ABCC4: variants seen among roughly 807,000 people sequenced by gnomAD.
The protein encoded by ABCC4 is ATP-binding cassette sub-family C member 4.
In ABCC4, 102 loss-of-function variants were observed where a neutral mutation model predicts 168.5. That is an observed-to-expected ratio of 0.61 (90% CI 0.52 to 0.71). ABCC4 has a LOEUF of 0.71. Among genes scored for constraint, ABCC4 ranks in the 30% least tolerant of loss-of-function variants. The pLI, the probability that ABCC4 is intolerant of heterozygous loss-of-function variation, is 0.00. For missense variants in ABCC4, 1,402 were observed against 1,605.8 expected (o/e 0.87, Z 2.17); for synonymous variants, 617 against 590.7 (o/e 1.04, Z -0.65).
rs2037207417 is a variant in ABCC4, at chr13:95,164,468, T to G, written c.2085A>C (p.Lys695Asn). The G allele has an allele frequency of 1.9e-6, 3 of 1,613,986 alleles. No individual in the cohort carries two copies. The African/African-American group carries it at 4.0e-5, about 22-fold the overall frequency. ...TLSEENRSEG[K>N]VGFQAYKNYF... ...AATTCTTATAGGCCTGAAAACCAAC[T>G]TTTCCTTCAGAACGGTTCTCCTCTG... The change falls in exon 16 of 31, where the codon AAA (lysine) becomes AAC (asparagine). Residue 695 changes from lysine to asparagine, a missense_variant. This residue lies in a region of ABCC4 where 1,007 missense variants were observed against 1,127.3 expected (regional missense o/e 0.89). Coordinates refer to ENST00000645237, the MANE Select transcript of ABCC4 (RefSeq NM_005845.5).
chr13:95,076,865 T>C (rs1317116107), intron 21 of ABCC4, among the ~76,000 whole-genome samples: 1 of 152,102 alleles, frequency 6.6e-6, no homozygotes, highest in African/African-American at 2.4e-5. Context: ...GCTCAAGGGA[T>C]CCTCCCACCT....
Position 95,186,856 on chromosome 13 carries a change from G to T in ABCC4, c.1390C>A (p.Pro464Thr). The change falls in exon 11 of 31, where the codon CCA (proline) becomes ACA (threonine). Residue 464 changes from proline to threonine, a missense_variant. Transcript: ENST00000645237. ...TGCACGCTGACCAGCCCGTGACTTG[G>T]GGCCAATTCCCCGAGCACGGCACTT... ...LLSAVLGELA[P>T]SHGLVSVHGR... 6.2e-7 allele frequency: 1 copy of T among 1,613,372 alleles called. No homozygotes were observed. Among genetic ancestry groups the T allele is most frequent in the Non-Finnish European group, 8.5e-7 (1 of 1,179,788 alleles).
At chr13:95,127,625 G>A (rs1318392625) in intron 19 of ABCC4, among the ~76,000 whole-genome samples, 1 of 152,002 alleles carries the variant, frequency 6.6e-6, no homozygotes, top group Admixed American at 6.6e-5. Flanking sequence ...CTGCTACCCT[G>A]CCCATCTGCT....
chr13:95,072,317 T>C (rs1189463), intron 24 of ABCC4, among the ~76,000 whole-genome samples: 134,447 of 152,100 alleles, frequency 0.88, 60,086 homozygotes, highest in Non-Finnish European at 0.95. Flanking sequence ...AAAAATTAGC[T>C]GGGCGTGGTG....
chr13:95,166,818 T>C (rs1594217758), intron 14 of ABCC4, among the ~76,000 whole-genome samples: 1 of 152,304 alleles, frequency 6.6e-6, no homozygotes, highest in East Asian at 1.9e-4. Context: ...CCATGGGCCC[T>C]GCTGGAAAAA....
intron 22 of ABCC4, 96 bp from the exon 23 acceptor site, chr13:95,074,420 A>G: frequency 1.1e-6 from 1 of 934,530 alleles, no homozygotes; most frequent in Non-Finnish European, 1.6e-6. Flanking sequence ...TACGTGGAGT[A>G]GGGCACCAAA....
At chr13:95,068,368 G>A (rs2033617150) in intron 25 of ABCC4, among the ~76,000 whole-genome samples, 1 of 152,206 alleles carries the variant, frequency 6.6e-6, no homozygotes, top group Non-Finnish European at 1.5e-5. Flanking sequence ...GCTCATGCCT[G>A]TAATCCCAGC....
chr13:95,202,157 G>A (rs1379329527), intron 8 of ABCC4, among the ~76,000 whole-genome samples: 1 of 152,118 alleles, frequency 6.6e-6, no homozygotes, highest in Non-Finnish European at 1.5e-5. Context: ...TCAGTTGAAG[G>A]CATTTAAGAG....
chr13:95,200,197 T>C (rs2038584161), intron 8 of ABCC4, among the ~76,000 whole-genome samples: 1 of 152,218 alleles, frequency 6.6e-6, no homozygotes, highest in African/African-American at 2.4e-5. Context: ...TCAATTACAT[T>C]GTAGAGTCAA....
intron 27 of ABCC4, among the ~76,000 whole-genome samples, chr13:95,046,132 T>C (rs1250525557): frequency 6.6e-6 from 1 of 152,200 alleles, no homozygotes; most frequent in Non-Finnish European, 1.5e-5. Context: ...TTATGAAACA[T>C]ACTCACAGAC....
chr13:95,096,901 C>T (rs980856938), intron 20 of ABCC4, among the ~76,000 whole-genome samples: 1 of 152,078 alleles, frequency 6.6e-6, no homozygotes, highest in African/African-American at 2.4e-5. Flanking sequence ...AAATATAAAA[C>T]ACAATTTTCT....
At chr13:95,032,560 T>C (rs1397846308) in intron 30 of ABCC4, among the ~76,000 whole-genome samples, 1 of 152,252 alleles carries the variant, frequency 6.6e-6, no homozygotes, top group Admixed American at 6.5e-5. Context: ...TCCTCACTTC[T>C]GTGGAGAATG....
At chr13:95,050,577 A>T (rs1566372605) in intron 27 of ABCC4, among the ~76,000 whole-genome samples, 1 of 152,206 alleles carries the variant, frequency 6.6e-6, no homozygotes, top group Non-Finnish European at 1.5e-5. Context: ...TGGAAATACA[A>T]TGTTGTACCC....
intron 30 of ABCC4, among the ~76,000 whole-genome samples, chr13:95,022,744 G>C (rs1393546637): frequency 6.6e-6 from 1 of 152,170 alleles, no homozygotes; most frequent in African/African-American, 2.4e-5. Flanking sequence ...ATTGGTGGGT[G>C]CTGTCAACAA....
chr13:95,182,766 G>C (rs975738497), intron 11 of ABCC4, among the ~76,000 whole-genome samples: 1 of 152,172 alleles, frequency 6.6e-6, no homozygotes. Flanking sequence ...GAGGAACTGA[G>C]ACTCAATCCC....
intron 1 of ABCC4, among the ~76,000 whole-genome samples, chr13:95,264,904 T>C (rs2040628813): frequency 1.3e-5 from 2 of 150,902 alleles, no homozygotes; most frequent in South Asian, 4.3e-4. Flanking sequence ...AGTTTTGCTC[T>C]TTCTCTCAAA....
At position 95,059,483 on chromosome 13, in the gene ABCC4, C is replaced by T. The variant is rs556711652; in HGVS notation, c.3366+3221G>A. Among the ~76,000 whole-genome samples, 6 of 152,314 alleles carry T rather than the reference C, an allele frequency of 3.9e-5. No homozygotes were observed. In the East Asian group the frequency reaches 9.6e-4, roughly 24 times the overall value. The stretch of plus-strand genomic sequence containing the variant: ...CAGGGCTGAGAACCAGTGTCGGCTG[C>T]CTGCTCGCGAAATGCAAAGCATTAG... On this transcript the variant is annotated intron_variant, in intron 26 of 30. Coordinates refer to ENST00000645237, the MANE Select transcript of ABCC4 (RefSeq NM_005845.5).
intron 8 of ABCC4, among the ~76,000 whole-genome samples, chr13:95,202,225 A>G (rs576406228): frequency 6.6e-6 from 1 of 152,324 alleles, no homozygotes; most frequent in Admixed American, 6.5e-5. Context: ...CTCAGACTCA[A>G]GCTGCATCAT....
chr13:95,032,059 T>G (rs983063856), intron 30 of ABCC4, among the ~76,000 whole-genome samples: 1 of 152,200 alleles, frequency 6.6e-6, no homozygotes, highest in African/African-American at 2.4e-5. Flanking sequence ...GAGGGAAGCT[T>G]TGGCTGGGAG....
Sources: gnomAD v4.1 joint callset for allele counts (sites outside exome capture counted in the v4.1 genomes callset) on GRCh38, gnomAD v4.1.1 for gene constraint, gnomAD v4.1.1 regional missense constraint, MANE v1.5 for transcripts, NCBI Gene and HGNC (gene_info 2026-07-23, HGNC 2026-07-21) for gene names.